SPOCK1: variants seen among roughly 807,000 people sequenced by gnomAD.
The protein encoded by SPOCK1 is testican-1.
SPOCK1 carries 23 observed loss-of-function variants against 55.3 expected under a neutral mutation model. The ratio of observed to expected loss-of-function variants is 0.42; its 90% CI spans 0.30 to 0.59. The LOEUF (loss-of-function observed/expected upper bound fraction) is 0.59, where lower values mean the gene tolerates loss of function less well. Ranked by LOEUF, SPOCK1 falls within the 20% of genes least tolerant of loss-of-function variation. The pLI, the probability that SPOCK1 is intolerant of heterozygous loss-of-function variation, is 0.22. For missense variants in SPOCK1, 499 were observed against 552.5 expected, an observed-to-expected ratio of 0.90 and a Z score of 0.97; for synonymous variants, 226 against 221.0, an observed-to-expected ratio of 1.02 and a Z score of -0.20.
At chr5:137,211,413 C>T (rs1755612785) in intron 3 of SPOCK1, among the ~76,000 whole-genome samples, 4 of 152,170 alleles carry the variant, frequency 2.6e-5, no homozygotes, top group African/African-American at 4.8e-5. Context: ...TATTTGGTCT[C>T]GGCCCCTGGT....
intron 2 of SPOCK1, among the ~76,000 whole-genome samples, chr5:137,275,117 G>A (rs569070512): frequency 6.6e-6 from 1 of 152,184 alleles, no homozygotes; most frequent in African/African-American, 2.4e-5. Flanking sequence ...CCCTGAAAGG[G>A]TATGTCTCCT....
At chr5:137,154,023 C>T (rs1240367418) in intron 3 of SPOCK1, among the ~76,000 whole-genome samples, 1 of 152,134 alleles carries the variant, frequency 6.6e-6, no homozygotes, top group Non-Finnish European at 1.5e-5. Flanking sequence ...CATGGTGGCT[C>T]ATGCCTGTAA....
At chr5:137,024,686 G>A (rs1268957091) in intron 6 of SPOCK1, among the ~76,000 whole-genome samples, 1 of 151,734 alleles carries the variant, frequency 6.6e-6, no homozygotes, top group African/African-American at 2.4e-5. Flanking sequence ...CTGATCTCAT[G>A]ATATGTCAGT....
At chr5:137,444,796 AG>A in intron 2 of SPOCK1, among the ~76,000 whole-genome samples, 1 of 152,210 alleles carries the variant, frequency 6.6e-6, no homozygotes, top group Non-Finnish European at 1.5e-5. Context: ...CAAGGCCCTA[AG>A]GACTGGAAAA....
At chr5:137,012,343 C>T (rs946001284) in intron 6 of SPOCK1, among the ~76,000 whole-genome samples, 9 of 152,104 alleles carry the variant, frequency 5.9e-5, no homozygotes, top group African/African-American at 7.2e-5. Flanking sequence ...AAAATGAGGA[C>T]GAGCTGGAGA....
chr5:137,113,885 C>G (rs1169366118), intron 4 of SPOCK1, among the ~76,000 whole-genome samples: 4 of 152,144 alleles, frequency 2.6e-5, no homozygotes. Flanking sequence ...AATGAATCTC[C>G]AGTCCTCAGG....
At chr5:137,146,484 C>A (rs1754196623) in intron 3 of SPOCK1, among the ~76,000 whole-genome samples, 1 of 152,092 alleles carries the variant, frequency 6.6e-6, no homozygotes, top group African/African-American at 2.4e-5. Flanking sequence ...TCATGCGATC[C>A]CAAGGTTCAC....
chr5:137,108,397 T>C (rs1753406000), intron 5 of SPOCK1, among the ~76,000 whole-genome samples: 1 of 152,152 alleles, frequency 6.6e-6, no homozygotes, highest in South Asian at 2.1e-4. Context: ...AAACACAAAC[T>C]TCTAGATGTT....
chr5:137,157,987 G>C (rs1475758861), intron 3 of SPOCK1, among the ~76,000 whole-genome samples: 1 of 152,160 alleles, frequency 6.6e-6, no homozygotes, highest in African/African-American at 2.4e-5. Flanking sequence ...ACTTGAACCT[G>C]TGAGGCAGAG....
intron 6 of SPOCK1, among the ~76,000 whole-genome samples, chr5:137,012,010 T>C (rs1345359251): frequency 2.6e-5 from 4 of 152,182 alleles, no homozygotes; most frequent in African/African-American, 9.7e-5. Flanking sequence ...TTTATTTCTT[T>C]TTTCATTTAA....
chr5:137,360,079 G>T (rs1245036045), intron 2 of SPOCK1, among the ~76,000 whole-genome samples: 1 of 152,202 alleles, frequency 6.6e-6, no homozygotes, highest in Non-Finnish European at 1.5e-5. Context: ...TTAGTCTCTT[G>T]TTGCAGATGC....
chr5:137,378,095 C>T (rs1451349969), intron 2 of SPOCK1, among the ~76,000 whole-genome samples: 1 of 152,104 alleles, frequency 6.6e-6, no homozygotes, highest in Admixed American at 6.5e-5. Flanking sequence ...CAGGCATGCA[C>T]CACCACATCC....
Position 136,978,768 on chromosome 5 carries a change from C to G in SPOCK1, c.1206G>C (p.Arg402=). ...CCTCTTTGTCCTTTGGTCCCAGCTC[C>G]CGTTCATATTCTAGGTCATCCAGCA... is the stretch of plus-strand genomic sequence containing the variant. ...VVLLDDLEYE[R]ELGPKDKEGK... The change falls in exon 11 of 11, where the codon CGG becomes CGC. Residue 402 remains arginine (R), a synonymous_variant. Transcript: ENST00000394945. The G allele has an allele frequency of 6.2e-7, 1 of 1,614,054 alleles. No homozygotes were observed. Among genetic ancestry groups the G allele is most frequent in the African/African-American group, 1.3e-5 (1 of 74,978 alleles).
chr5:137,143,467 G>A (rs970937168), intron 3 of SPOCK1, among the ~76,000 whole-genome samples: 9 of 151,572 alleles, frequency 5.9e-5, no homozygotes, highest in Non-Finnish European at 1.2e-4. Flanking sequence ...GGACTCCAAG[G>A]CAGAGTAGCT....
chr5:137,383,374 T>A (rs940777832), intron 2 of SPOCK1, among the ~76,000 whole-genome samples: 3 of 152,206 alleles, frequency 2.0e-5, no homozygotes, highest in African/African-American at 7.2e-5. Context: ...CCTGAAGAGT[T>A]GGTCTTTCCA....
chr5:137,214,029 G>A (rs565806737), intron 3 of SPOCK1, among the ~76,000 whole-genome samples: 1 of 152,100 alleles, frequency 6.6e-6, no homozygotes, highest in Non-Finnish European at 1.5e-5. Context: ...CAAGTGCAAC[G>A]GCCTTTGTCA....
At chr5:137,300,378 T>C (rs191574667) in intron 2 of SPOCK1, among the ~76,000 whole-genome samples, 2 of 152,332 alleles carry the variant, frequency 1.3e-5, no homozygotes, top group African/African-American at 4.8e-5. Flanking sequence ...TTTCATCTAA[T>C]TGTCTAATAA....
chr5:137,034,846 T>G (rs774078635), intron 6 of SPOCK1, among the ~76,000 whole-genome samples: 2 of 152,158 alleles, frequency 1.3e-5, no homozygotes, highest in African/African-American at 4.8e-5. Context: ...GTGGCACGGA[T>G]TACAGCAGCT....
chr5:137,219,388 C>T (rs114292790), intron 3 of SPOCK1, among the ~76,000 whole-genome samples: 2,500 of 152,162 alleles, frequency 0.016, 77 homozygotes, highest in African/African-American at 0.056. Flanking sequence ...GCAGGTCCTG[C>T]CCTGGGGAAA....
Sources: gnomAD v4.1 joint callset for allele counts (sites outside exome capture counted in the v4.1 genomes callset) on GRCh38, gnomAD v4.1.1 for gene constraint, MANE v1.5 for transcripts, NCBI Gene and HGNC (gene_info 2026-07-23, HGNC 2026-07-21) for gene names.